ALDH1A1: variants seen among roughly 807,000 people sequenced by gnomAD.
ALDH1A1 encodes the protein aldehyde dehydrogenase 1A1.
A neutral mutation model predicts 62.1 loss-of-function variants in ALDH1A1; 19 were observed. That is an observed-to-expected ratio of 0.31 (90% confidence interval 0.21 to 0.45). The LOEUF (loss-of-function observed/expected upper bound fraction) is 0.45, where lower values mean the gene tolerates loss of function less well. ALDH1A1 is among the 20% of genes least tolerant of loss of function. The pLI is 1.00. For synonymous variants in ALDH1A1, 231 were observed against 215.9 expected, an observed-to-expected ratio of 1.07 and a Z score of -0.61; for missense variants, 521 against 607.1, an observed-to-expected ratio of 0.86 and a Z score of 1.49.
Position 72,912,120 on chromosome 9 carries a change from A to C in ALDH1A1, c.1038T>G (p.Ile346Met). 6.2e-7 allele frequency: 1 copy of C among 1,609,166 alleles called. No homozygotes were observed. The highest frequency in any genetic ancestry group is 8.5e-7 in the Non-Finnish European group (1 of 1,177,396). Residue 346 changes from isoleucine (I) to methionine (M), a missense_variant and splice_region_variant, in exon 10 of 13, where the codon ATT (isoleucine) becomes ATG (methionine). Coordinates refer to ENST00000297785, the MANE Select transcript of ALDH1A1 (RefSeq NM_000689.5). ...LTPGVTQGPQ[I>M]DKEQYDKILD... The stretch of plus-strand genomic sequence containing the variant: ...GTATTTTATCATATTGTTCCTTGTC[A>C]ATCTATTTGAAAAATATCACATGAA...
chr9:72,924,172 T>G (rs778730869), intron 6 of ALDH1A1, 40 bp from the exon 7 acceptor site: 1 of 1,441,482 alleles, frequency 6.9e-7, no homozygotes, highest in East Asian at 2.3e-5. Context: ...TATAAGAATT[T>G]AATTCAAAAA....
intron 1 of ALDH1A1, among the ~76,000 whole-genome samples, chr9:72,952,212 T>G (rs888494105): frequency 5.9e-5 from 9 of 151,972 alleles, no homozygotes; most frequent in Non-Finnish European, 1.3e-4. Context: ...GAAAGCAGTG[T>G]GAAACAGGCA....
At position 72,930,883 on chromosome 9, in the gene ALDH1A1, A is replaced by G. The variant is rs1461537390; in HGVS notation, c.308T>C (p.Leu103Pro). Reference sequence around the variant, plus strand: ...TCCAGCTTGGATAATACTCACCGCCAGCAGCAGACGATCTCTTTCGATTAA... The same window carrying G: ...TCCAGCTTGGATAATACTCACCGCCGGCAGCAGACGATCTCTTTCGATTAA... ...ADLIERDRLL[L>P]ATMESMNGGK... Residue 103 changes from leucine to proline, a missense_variant, in exon 3 of 13, where the codon CTG becomes CCG. Coordinates refer to ENST00000297785, the MANE Select transcript of ALDH1A1 (RefSeq NM_000689.5). The G allele has an allele frequency of 6.2e-7, 1 of 1,614,024 alleles. No homozygotes were observed. Among genetic ancestry groups the G allele is most frequent in the East Asian group, 2.2e-5 (1 of 44,884 alleles).
chr9:72,922,571 A>G (rs1017236862), intron 7 of ALDH1A1, among the ~76,000 whole-genome samples: 1 of 152,142 alleles, frequency 6.6e-6, no homozygotes, highest in South Asian at 2.1e-4. Context: ...GGGCCACACA[A>G]AAAATACACT....
intron 1 of ALDH1A1, among the ~76,000 whole-genome samples, chr9:72,942,058 A>G (rs1830421381): frequency 6.6e-6 from 1 of 152,192 alleles, no homozygotes. Context: ...TGAAGACCAT[A>G]AAATTCATTG....
chr9:72,929,151 C>A, intron 3 of ALDH1A1, 130 bp from the exon 4 acceptor site: 1 of 1,032,874 alleles, frequency 9.7e-7, no homozygotes, highest in Non-Finnish European at 1.4e-6. Context: ...CTTGTCTAAC[C>A]TCCACTTTTT....
intron 7 of ALDH1A1, 53 bp downstream of exon 7, chr9:72,923,965 TC>T: frequency 8.1e-7 from 1 of 1,229,460 alleles, no homozygotes; most frequent in Non-Finnish European, 1.2e-6. Flanking sequence ...AAAACATACT[TC>T]ATAGCTGGCA....
chr9:72,932,835 T>C (rs997672612), intron 2 of ALDH1A1, among the ~76,000 whole-genome samples: 3 of 152,228 alleles, frequency 2.0e-5, no homozygotes, highest in African/African-American at 7.2e-5. Flanking sequence ...AAATACATGC[T>C]GGTCTGTGTT....
intron 2 of ALDH1A1, among the ~76,000 whole-genome samples, chr9:72,936,821 C>A (rs1179855832): frequency 6.6e-6 from 1 of 151,914 alleles, no homozygotes; most frequent in African/African-American, 2.4e-5. Context: ...ACTCTTTGAC[C>A]CCTGTTAAAT....
At position 72,927,255 on chromosome 9, in the gene ALDH1A1, G is replaced by C. The variant is rs1830223427; in HGVS notation, c.443-78C>G. The C allele has an allele frequency of 2.9e-6, 3 of 1,037,304 alleles. No homozygotes were observed. The African/African-American group carries it at 4.8e-5, about 17-fold the overall frequency. The allele number at this position is 1,037,304 out of a possible 1,614,324, so 64.3% of individuals were successfully genotyped here. On this transcript the variant is annotated intron_variant, in intron 4 of 12. Coordinates refer to ENST00000297785, the MANE Select transcript of ALDH1A1 (RefSeq NM_000689.5). ...CAAAATGGTGGTTGGTGATGTGAGA[G>C]AAAGGTGTAGACAATAATTTTAAAA...
At chr9:72,910,217 A>G (rs1286822563) in intron 10 of ALDH1A1, among the ~76,000 whole-genome samples, 1 of 152,224 alleles carries the variant, frequency 6.6e-6, no homozygotes, top group Non-Finnish European at 1.5e-5. Context: ...GCAATGATTG[A>G]TAATAATAAT....
chr9:72,909,743 T>C lies in ALDH1A1; in HGVS notation c.1217A>G (p.Gln406Arg). 6.2e-7 allele frequency: 1 copy of C among 1,611,594 alleles called. No individual in the cohort carries two copies. The highest frequency in any genetic ancestry group is 8.5e-7 in the Non-Finnish European group (1 of 1,178,814). ...TAAAGATTTAAACTTCATGATTTGC[T>C]GCACTGGTCCAAAAATCTATACCAC... The part of the protein sequence containing the change: ...IAKEEIFGPV[Q>R]QIMKFKSLDD... The change falls in exon 11 of 13, where the codon CAG becomes CGG. Residue 406 changes from glutamine to arginine, a missense_variant. Physicochemically the swap from Gln to Arg is conservative, Grantham distance 43. Transcript: ENST00000297785.
intron 6 of ALDH1A1, 105 bp from the exon 7 acceptor site, chr9:72,924,237 T>A: frequency 1.5e-6 from 1 of 688,984 alleles, no homozygotes; most frequent in Non-Finnish European, 2.4e-6. Flanking sequence ...TGAGATGCTC[T>A]AGAAAAAAAT....
chr9:72,941,631 G>T (rs938011024), intron 1 of ALDH1A1, among the ~76,000 whole-genome samples: 32 of 152,022 alleles, frequency 2.1e-4, no homozygotes, highest in African/African-American at 7.7e-4. Flanking sequence ...AAAAATTCTT[G>T]AATAACTAAC....
At chr9:72,940,758 T>A (rs949148598) in intron 1 of ALDH1A1, among the ~76,000 whole-genome samples, 3 of 152,208 alleles carry the variant, frequency 2.0e-5, no homozygotes, top group Admixed American at 6.5e-5. Context: ...AGTCACATTG[T>A]TTCATTGGCT....
At chr9:72,926,521 T>C (rs1018021513) in intron 5 of ALDH1A1, among the ~76,000 whole-genome samples, 10 of 152,174 alleles carry the variant, frequency 6.6e-5, no homozygotes, top group Non-Finnish European at 1.2e-4. Context: ...ATCTTCACAA[T>C]CCTCTTAAAA....
chr9:72,948,410 A>G (rs1312783983), intron 1 of ALDH1A1, among the ~76,000 whole-genome samples: 1 of 151,852 alleles, frequency 6.6e-6, no homozygotes, highest in African/African-American at 2.4e-5. Context: ...CCCAGCCTGT[A>G]CTTCAGTTTC....
intron 10 of ALDH1A1, among the ~76,000 whole-genome samples, chr9:72,911,065 AT>A (rs890671650): frequency 6.6e-6 from 1 of 151,872 alleles, no homozygotes; most frequent in Non-Finnish European, 1.5e-5. Flanking sequence ...ATGACAGCTC[AT>A]TTTTTTTCTA....
intron 4 of ALDH1A1, among the ~76,000 whole-genome samples, chr9:72,927,412 G>A (rs1309096440): frequency 1.3e-5 from 2 of 152,168 alleles, no homozygotes; most frequent in African/African-American, 2.4e-5. Flanking sequence ...GGTAAGTGAA[G>A]CCCTAAAATA....
Sources: allele counts gnomAD v4.1 joint callset (sites outside exome capture counted in the v4.1 genomes callset), GRCh38; gene constraint gnomAD v4.1.1; transcripts MANE v1.5; gene names NCBI Gene and HGNC (gene_info 2026-07-23, HGNC 2026-07-21).